The following B4GALNT1 variants were observed in gnomAD, a reference collection of about 807,000 sequenced individuals.
B4GALNT1 encodes beta-1,4 N-acetylgalactosaminyltransferase 1.
Under a neutral mutation model 55.2 loss-of-function variants are expected in B4GALNT1, and 43 were observed. The observed-to-expected ratio is 0.78, with a 90% CI of 0.61 to 1.00. The LOEUF (loss-of-function observed/expected upper bound fraction) is 1.00. Ranked by LOEUF, B4GALNT1 falls within the 50% of genes least tolerant of loss-of-function variation. B4GALNT1 has a pLI of 0.00. For synonymous variants in B4GALNT1, 305 were observed against 311.6 expected, an observed-to-expected ratio of 0.98 and a Z score of 0.22; for missense variants, 664 against 729.7, an observed-to-expected ratio of 0.91 and a Z score of 1.04.
In B4GALNT1 at chr12:57,631,203, G is replaced by C; in HGVS notation, c.380C>G (p.Ser127Trp). The C allele has an allele frequency of 6.2e-7, 1 of 1,614,126 alleles. No homozygotes were observed. The highest frequency in any genetic ancestry group is 1.3e-5 in the African/African-American group (1 of 75,034). Residue 127 changes from serine to tryptophan, a missense_variant, in exon 3 of 11, where the codon TCG becomes TGG. Transcript: ENST00000341156. ...TREQEFQAFL[S>W]RSQSPADQLL... ...TGCGCTTCTTTCAAGCTGGTACCTC[G>C]ACAGAAAGGCCTGGAACTCCTGCTC...
rs1036922527 is a variant in B4GALNT1, at chr12:57,632,111, G to T, written c.22C>A (p.Leu8Met). 2 of 1,500,114 alleles carry T rather than the reference G, an allele frequency of 1.3e-6. No homozygotes were observed. The highest frequency in any genetic ancestry group is 2.4e-5 in the Admixed American group (1 of 42,368). 92.9% of individuals were successfully genotyped at this position (1,500,114 alleles called of 1,614,324 possible). A position where few individuals can be genotyped will look rare whatever the true frequency, so the allele number is the denominator to read the frequency against. Residue 8 changes from leucine (L) to methionine (M), a missense_variant, in exon 2 of 11, where the codon CTG becomes ATG. By Grantham distance (15) the Leu-to-Met change is conservative. Transcript: ENST00000341156. MWLGRRA[L>M]CALVLLLACA... ...GCGAGCAGAAGGACCAGAGCGCACA[G>T]GGCCCGGCGGCCCAGCCACATCCTA...
chr12:57,631,499 C>T (rs1885210278), intron 2 of B4GALNT1, 135 bp from the exon 3 acceptor site: 1 of 996,480 alleles, frequency 1.0e-6, no homozygotes, highest in Admixed American at 2.6e-5. Context: ...AAATGCTGCC[C>T]TTCAAATAGT....
rs1161202744 is a variant in B4GALNT1 at position 57,625,243 on chromosome 12, G to A, written c.*1501C>T. On this transcript the variant is annotated 3_prime_UTR_variant, in exon 11 of 11. Coordinates refer to ENST00000341156, the MANE Select transcript of B4GALNT1 (RefSeq NM_001478.5). ...TGTCTTCTCCCATTCTAGTTGCTGA[G>A]CCTGTCAGGGTGGTGGTCCTAGACT... 1.2e-6 allele frequency: 2 copies of A among 1,614,176 alleles called. No homozygotes were observed. The highest frequency in any genetic ancestry group is 1.7e-6 in the Non-Finnish European group (2 of 1,180,030).
intron 6 of B4GALNT1, chr12:57,629,509 C>G (rs1010047023): frequency 6.2e-6 from 2 of 323,804 alleles, no homozygotes; most frequent in Admixed American, 4.4e-5. Context: ...TATTAAGCAA[C>G]AAAACTGATA....
chr12:57,632,041 G>C lies in B4GALNT1; in HGVS notation c.92C>G (p.Pro31Arg). 1 of 1,443,852 alleles carries C rather than the reference G, an allele frequency of 6.9e-7. No homozygotes were observed. 89.4% of individuals were successfully genotyped at this position (1,443,852 alleles called of 1,614,324 possible). The change falls in exon 2 of 11, where the codon CCC becomes CGC. Residue 31 changes from proline to arginine, a missense_variant. Physicochemically the swap from Pro to Arg is moderately radical, Grantham distance 103. Transcript: ENST00000341156. Reference sequence around the variant, plus strand: ...CGGCGCAAGAGGTAGCCGGAGGCCGGGCGCGTCCCGGGTGCTCGCGTACAG... The same window carrying C: ...CGGCGCAAGAGGTAGCCGGAGGCCGCGCGCGTCCCGGGTGCTCGCGTACAG... ...GLLYASTRDA[P>R]GLRLPLAPWA...
At chr12:57,631,862 C>T (rs1672395464) in intron 2 of B4GALNT1, 53 bp downstream of exon 2, 1 of 1,351,790 alleles carries the variant, frequency 7.4e-7, no homozygotes, top group Admixed American at 3.5e-5. Context: ...AAACAAAAGC[C>T]CCCAGACCAC....
At position 57,624,922 on chromosome 12, in the gene B4GALNT1, G is replaced by A; in HGVS notation, c.*1822C>T. On this transcript the variant is annotated 3_prime_UTR_variant, in exon 11 of 11. Coordinates refer to ENST00000341156, the MANE Select transcript of B4GALNT1 (RefSeq NM_001478.5). ...GCTATCCAACACCACTGTACTTTGG[G>A]ACCCGTGGGCAGTTTCGCTGCAACC... is the stretch of plus-strand genomic sequence containing the variant. 6.2e-7 allele frequency: 1 copy of A among 1,614,172 alleles called. No individual in the cohort carries two copies. Among genetic ancestry groups the A allele is most frequent in the South Asian group, 1.1e-5 (1 of 91,084 alleles).
chr12:57,626,918 G>A lies in B4GALNT1; in HGVS notation c.1428C>T (p.Cys476=). 1 of 1,614,216 alleles carries A rather than the reference G, an allele frequency of 6.2e-7. No individual in the cohort carries two copies. Among genetic ancestry groups the A allele is most frequent in the African/African-American group, 1.3e-5 (1 of 75,058 alleles). Residue 476 remains cysteine (C), a synonymous_variant, in exon 11 of 11, where the codon TGC becomes TGT. Transcript: ENST00000341156. ...ATGCATGATCCACCACGACGTCGGA[G>A]CAGGAGCCAACCCGAAGGGAACCAA... ...DGLGSLRVGS[C]SDVVVDHASK...
rs138140655 is a variant in B4GALNT1, at chr12:57,625,425, C to T, written c.*1319G>A. 28 of 1,613,990 alleles carry T rather than the reference C, an allele frequency of 1.7e-5. No homozygotes were observed. The highest frequency in any genetic ancestry group is 1.5e-4 in the African/African-American group (11 of 74,894). ...ATCCCTGCAGCTGGCCAGCCGATGT[C>T]GAGATGCTAGGATCCGCCTCCTCCT... On this transcript the variant is annotated 3_prime_UTR_variant, in exon 11 of 11. Coordinates refer to ENST00000341156, the MANE Select transcript of B4GALNT1 (RefSeq NM_001478.5).
Position 57,632,041 on chromosome 12 carries a change from G to A in B4GALNT1, c.92C>T (p.Pro31Leu). The A allele has an allele frequency of 6.9e-7, 1 of 1,443,852 alleles. No individual in the cohort carries two copies. The highest frequency in any genetic ancestry group is 9.1e-7 in the Non-Finnish European group (1 of 1,097,146). 89.4% of individuals were successfully genotyped at this position (1,443,852 alleles called of 1,614,324 possible). A position where few individuals can be genotyped will look rare whatever the true frequency, so the allele number is the denominator to read the frequency against. Residue 31 changes from proline (P) to leucine (L), a missense_variant, in exon 2 of 11, where the codon CCC (proline) becomes CTC (leucine). By Grantham distance (98) the Pro-to-Leu change is moderately conservative. Transcript: ENST00000341156. ...CGGCGCAAGAGGTAGCCGGAGGCCG[G>A]GCGCGTCCCGGGTGCTCGCGTACAG... ...GLLYASTRDA[P>L]GLRLPLAPWA...
At position 57,625,733 on chromosome 12, in the gene B4GALNT1, C is replaced by A; in HGVS notation, c.*1011G>T. 6.5e-7 allele frequency: 1 copy of A among 1,527,826 alleles called. No homozygotes were observed. Among genetic ancestry groups the A allele is most frequent in the Admixed American group, 2.2e-5 (1 of 45,920 alleles). 94.6% of individuals were successfully genotyped at this position (1,527,826 alleles called of 1,614,324 possible). On this transcript the variant is annotated 3_prime_UTR_variant, in exon 11 of 11. Transcript: ENST00000341156. ...GGAGCGGGAGCCAGGAGGCACTGGG[C>A]TGCGGCAAGTGAGGCAGGGGTAAGT...
intron 1 of B4GALNT1, chr12:57,632,473 A>G (rs1443984988): frequency 7.4e-6 from 3 of 405,042 alleles, no homozygotes; most frequent in East Asian, 1.1e-4. Context: ...CTATCAGGGC[A>G]GTGGCAGTCC....
intron 10 of B4GALNT1, 38 bp downstream of exon 10, chr12:57,627,580 G>A (rs1454149068): frequency 2.6e-6 from 4 of 1,539,796 alleles, no homozygotes; most frequent in Non-Finnish European, 3.5e-6. Context: ...TCCCCGTGGG[G>A]CTCCTGCCAG....
At chr12:57,627,566 C>A in intron 10 of B4GALNT1, 52 bp downstream of exon 10, 1 of 1,528,188 alleles carries the variant, frequency 6.5e-7, no homozygotes, top group South Asian at 1.3e-5. Context: ...GACCGTGCGC[C>A]AGCTCCCCGT....
chr12:57,627,374 C>G (rs1028522225), intron 10 of B4GALNT1, among the ~76,000 whole-genome samples: 1 of 151,184 alleles, frequency 6.6e-6, no homozygotes, highest in African/African-American at 2.4e-5. Context: ...CACATGTACC[C>G]TAGAACTTAA....
At position 57,631,906 on chromosome 12, in the gene B4GALNT1, G is replaced by C. The variant is rs1885238127; in HGVS notation, c.218+9C>G. 2 of 1,383,956 alleles carry C rather than the reference G, an allele frequency of 1.4e-6. No individual in the cohort carries two copies. Among genetic ancestry groups the C allele is most frequent in the Non-Finnish European group, 1.9e-6 (2 of 1,067,944 alleles). The allele number at this position is 1,383,956 out of a possible 1,614,324, so 85.7% of individuals were successfully genotyped here. On this transcript the variant is annotated intron_variant, in intron 2 of 10. Transcript: ENST00000341156. ...AGCGCTGCGCTGCGCCGCCGCGGTC[G>C]GCACTCACCCCACTACTTGCTCCTT... is the stretch of plus-strand genomic sequence containing the variant.
At chr12:57,629,583 A>G (rs1478312721) in intron 6 of B4GALNT1, 7 of 462,870 alleles carry the variant, frequency 1.5e-5, no homozygotes, top group Non-Finnish European at 2.2e-5. Flanking sequence ...GTAAGTATTG[A>G]GTGGAAAATA....
chr12:57,623,856 C>A lies in B4GALNT1; in HGVS notation c.*2888G>T, dbSNP rs1398837452. The A allele has an allele frequency of 1.2e-6, 2 of 1,614,076 alleles. No homozygotes were observed. The highest frequency in any genetic ancestry group is 1.7e-6 in the Non-Finnish European group (2 of 1,180,012). ...TCTAGCTGGCAGGCCTCTTCTCCTGCACAGTGGTCCTGTCGGTGCTGCTGT... is the reference window on the plus strand; with the variant it reads ...TCTAGCTGGCAGGCCTCTTCTCCTGAACAGTGGTCCTGTCGGTGCTGCTGT... On this transcript the variant is annotated 3_prime_UTR_variant, in exon 11 of 11. Transcript: ENST00000341156.
At chr12:57,629,667 G>T in intron 6 of B4GALNT1, 1 of 1,014,412 alleles carries the variant, frequency 9.9e-7, no homozygotes, top group Non-Finnish European at 1.4e-6. Context: ...AAGCCAGTCT[G>T]CAAAAATCTG....
Sources: gnomAD v4.1 joint callset for allele counts (sites outside exome capture counted in the v4.1 genomes callset) on GRCh38, gnomAD v4.1.1 for gene constraint, MANE v1.5 for transcripts, NCBI Gene and HGNC (gene_info 2026-07-23, HGNC 2026-07-21) for gene names.